Variants in RBFOX3 observed in about 807,000 individuals in gnomAD.
RBFOX3 encodes RNA binding protein fox-1 homolog 3.
RBFOX3 carries 17 observed loss-of-function variants against 48.7 expected under a neutral mutation model. That is an observed-to-expected ratio of 0.35 (90% CI 0.24 to 0.52). The LOEUF is 0.52. Ranked by LOEUF, RBFOX3 falls within the 20% of genes least tolerant of loss-of-function variation. The pLI, the probability that RBFOX3 is intolerant of heterozygous loss-of-function variation, is 0.94. For missense variants in RBFOX3, 382 were observed against 497.5 expected (o/e 0.77, Z 2.21); for synonymous variants, 212 against 209.5 (o/e 1.01, Z -0.10).
chr17:79,557,503 G>A (rs1211704053), intron 1 of RBFOX3, among the ~76,000 whole-genome samples: 4 of 152,312 alleles, frequency 2.6e-5, no homozygotes, highest in South Asian at 2.1e-4. Context: ...AAGAGACCAC[G>A]TCTGGGGCCG....
chr17:79,447,831 C>T (rs1408992621), intron 2 of RBFOX3, among the ~76,000 whole-genome samples: 9 of 152,172 alleles, frequency 5.9e-5, no homozygotes, highest in African/African-American at 1.9e-4. Context: ...CATGTCGCTA[C>T]CCAAATAGCA....
intron 9 of RBFOX3, among the ~76,000 whole-genome samples, chr17:79,100,873 C>T (rs573680693): frequency 4.3e-4 from 66 of 152,290 alleles, no homozygotes; most frequent in African/African-American, 1.3e-3. Flanking sequence ...CGGCCACCTC[C>T]GTTTGCAGTG....
At chr17:79,285,633 C>T (rs1193221393) in intron 3 of RBFOX3, among the ~76,000 whole-genome samples, 3 of 152,224 alleles carry the variant, frequency 2.0e-5, no homozygotes, top group Non-Finnish European at 4.4e-5. Flanking sequence ...CCAGAAACCA[C>T]CTGCTCCTTT....
chr17:79,560,270 C>A (rs2092122154), intron 1 of RBFOX3, among the ~76,000 whole-genome samples: 1 of 152,020 alleles, frequency 6.6e-6, no homozygotes, highest in Non-Finnish European at 1.5e-5. Context: ...TGAGGGAGAC[C>A]CGAAAAGCCT....
At chr17:79,608,022 GC>G (rs2093874226) in intron 1 of RBFOX3, among the ~76,000 whole-genome samples, 1 of 152,224 alleles carries the variant, frequency 6.6e-6, no homozygotes, top group African/African-American at 2.4e-5. Flanking sequence ...AGCCTCGGGA[GC>G]CCTCCCCATG....
intron 3 of RBFOX3, among the ~76,000 whole-genome samples, chr17:79,259,596 G>A (rs1337648504): frequency 3.9e-5 from 6 of 152,136 alleles, no homozygotes; most frequent in African/African-American, 9.6e-5. Context: ...GCCTGGGACC[G>A]CATGGAAGGG....
intron 1 of RBFOX3, among the ~76,000 whole-genome samples, chr17:79,488,594 CTG>C (rs1262001933): frequency 3.3e-5 from 5 of 152,240 alleles, no homozygotes; most frequent in African/African-American, 1.2e-4. Flanking sequence ...CAGCCCATCA[CTG>C]TGTGACCTGG....
chr17:79,242,201 G>A lies in RBFOX3; in HGVS notation c.-73-6396C>T, dbSNP rs2062479723. Among the ~76,000 whole-genome samples the A allele has an allele frequency of 6.6e-6, 1 of 152,162 alleles. No homozygotes were observed. Among genetic ancestry groups the A allele is most frequent in the Non-Finnish European group, 1.5e-5 (1 of 68,046 alleles). ...TGGTTCCCAGCGTGCTGCTGCTGCT[G>A]GTGGAGGGGGTGCTACCTGAGGAGC... On this transcript the variant is annotated intron_variant, in intron 3 of 14. Coordinates refer to ENST00000693108, the MANE Select transcript of RBFOX3 (RefSeq NM_001350451.2). The surrounding 1 kb of genome is among the most constrained non-coding windows in gnomAD (Gnocchi z 5.8).
intron 4 of RBFOX3, among the ~76,000 whole-genome samples, chr17:79,207,218 A>G (rs2057626665): frequency 6.6e-6 from 1 of 152,254 alleles, no homozygotes; most frequent in African/African-American, 2.4e-5. Context: ...GAAGAAGATT[A>G]TCACCCATGG....
chr17:79,543,742 C>T (rs112125258), intron 1 of RBFOX3, among the ~76,000 whole-genome samples: 5 of 152,288 alleles, frequency 3.3e-5, no homozygotes, highest in South Asian at 4.2e-4. Flanking sequence ...CTCATTAGTG[C>T]GGATGGAGTT....
intron 2 of RBFOX3, among the ~76,000 whole-genome samples, chr17:79,380,212 C>A (rs996563379): frequency 2.6e-5 from 4 of 152,126 alleles, no homozygotes; most frequent in Non-Finnish European, 4.4e-5. Context: ...CTCCCCCAGG[C>A]TGCCAAGCCC....
chr17:79,388,453 A>G (rs780615015), intron 2 of RBFOX3, among the ~76,000 whole-genome samples: 6 of 152,206 alleles, frequency 3.9e-5, no homozygotes, highest in African/African-American at 9.6e-5. Flanking sequence ...CACACATGGA[A>G]TCGTTTTCAG....
rs1214279896 is a variant in RBFOX3, at chr17:79,097,859, C to T, written c.569-114G>A. On this transcript the variant is annotated intron_variant, in intron 9 of 14. Transcript: ENST00000693108. ...GGAGCCCTTGGGAACATTCCCAGGG[C>T]GCCTCCCCGCGCCGGGCCCCCCTTT... is the stretch of plus-strand genomic sequence containing the variant. The T allele has an allele frequency of 3.6e-6, 4 of 1,104,876 alleles. No individual in the cohort carries two copies. The African/African-American group carries it at 4.7e-5, about 13-fold the overall frequency. The allele number at this position is 1,104,876 out of a possible 1,614,324, so 68.4% of individuals were successfully genotyped here.
At chr17:79,253,410 G>GGT (rs764965116) in intron 3 of RBFOX3, among the ~76,000 whole-genome samples, 6 of 152,178 alleles carry the variant, frequency 3.9e-5, no homozygotes, top group Non-Finnish European at 8.8e-5. Context: ...TTTATATCCA[G>GGT]TATATACATA....
At position 79,477,319 on chromosome 17, in the gene RBFOX3, G is replaced by A. The variant is rs2149439882; in HGVS notation, c.-175+5135C>T. Among the ~76,000 whole-genome samples, 1 of 150,650 alleles carries A rather than the reference G, an allele frequency of 6.6e-6. No individual in the cohort carries two copies. The highest frequency in any genetic ancestry group is 2.1e-4 in the South Asian group (1 of 4,756). On this transcript the variant is annotated intron_variant, in intron 2 of 14. Transcript: ENST00000693108. The surrounding 1 kb of genome is among the most constrained non-coding windows in gnomAD (Gnocchi z 4.8). ...CACCTGTAATCCCAGCACTTTGGGA[G>A]GCCAAGGCAGGTGGATCACGAGGTC...
At chr17:79,118,992 A>AAGAG (rs1414417707) in intron 4 of RBFOX3, among the ~76,000 whole-genome samples, 1 of 143,036 alleles carries the variant, frequency 7.0e-6, no homozygotes, top group Admixed American at 6.9e-5. Context: ...AAAAAAAAAA[A>AAGAG]ATAAAGAAAA....
intron 3 of RBFOX3, among the ~76,000 whole-genome samples, chr17:79,255,747 GC>G (rs1370577469): frequency 2.8e-4 from 43 of 152,050 alleles, no homozygotes. Flanking sequence ...CAGCTCAGGG[GC>G]AGCGTCCCTG....
At chr17:79,350,400 G>A (rs1162364628) in intron 2 of RBFOX3, among the ~76,000 whole-genome samples, 4 of 152,186 alleles carry the variant, frequency 2.6e-5, no homozygotes, top group Non-Finnish European at 4.4e-5. Context: ...CTCCTGGGGG[G>A]ACCCTGACTG....
Position 79,096,633 on chromosome 17 carries a change from C to T in RBFOX3, c.936+20G>A. 8.2e-7 allele frequency: 1 copy of T among 1,223,640 alleles called. No homozygotes were observed. 75.8% of individuals were successfully genotyped at this position (1,223,640 alleles called of 1,614,324 possible). A position where few individuals can be genotyped will look rare whatever the true frequency, so the allele number is the denominator to read the frequency against. On this transcript the variant is annotated intron_variant, in intron 12 of 14. Coordinates refer to ENST00000693108, the MANE Select transcript of RBFOX3 (RefSeq NM_001350451.2). Reference sequence around the variant, plus strand: ...CAGAACGCCTGATCCCACCCTCCCTCCCGGCGGGGCTACACTTACATAAAT... The same window carrying T: ...CAGAACGCCTGATCCCACCCTCCCTTCCGGCGGGGCTACACTTACATAAAT...
Sources: gnomAD v4.1 joint callset for allele counts (sites outside exome capture counted in the v4.1 genomes callset) on GRCh38, gnomAD v4.1.1 for gene constraint, Gnocchi (gnomAD v3.1) non-coding constraint, MANE v1.5 for transcripts, NCBI Gene and HGNC (gene_info 2026-07-23, HGNC 2026-07-21) for gene names.